ENTREP2: variants seen among roughly 807,000 people sequenced by gnomAD.
The protein encoded by ENTREP2 is endosomal transmembrane epsin interactor 2, also known as protein ENTREP2.
the ENTREP2 span, among the ~76,000 whole-genome samples, chr15:29,669,123 T>C: frequency 6.6e-6 from 1 of 152,168 alleles, no homozygotes; most frequent in East Asian, 1.9e-4. Flanking sequence ...TGAGATTTGA[T>C]TGAACCCGTG....
the ENTREP2 span, chr15:29,234,553 T>A: frequency 7.1e-7 from 1 of 1,400,896 alleles, no homozygotes; most frequent in Non-Finnish European, 1.0e-6. Flanking sequence ...TAGCAACAGA[T>A]GTGGCAGCAC....
the ENTREP2 span, among the ~76,000 whole-genome samples, chr15:29,544,010 TTC>T: frequency 6.6e-6 from 1 of 151,670 alleles, no homozygotes; most frequent in Non-Finnish European, 1.5e-5. Context: ...ATTTTATATT[TTC>T]TTTTATTTTT....
chr15:29,617,103 A>G, the ENTREP2 span, among the ~76,000 whole-genome samples: 2 of 152,216 alleles, frequency 1.3e-5, no homozygotes, highest in East Asian at 3.8e-4. Flanking sequence ...AAGATTTATT[A>G]TAGGAACTGG....
At chr15:29,416,468 C>T in the ENTREP2 span, among the ~76,000 whole-genome samples, 1 of 152,192 alleles carries the variant, frequency 6.6e-6, no homozygotes, top group Non-Finnish European at 1.5e-5. Context: ...AACTGGATCT[C>T]TTCCTTACAC....
chr15:29,185,935 A>T, the ENTREP2 span, among the ~76,000 whole-genome samples: 37 of 152,266 alleles, frequency 2.4e-4, no homozygotes, highest in South Asian at 3.9e-3. Flanking sequence ...TAGAGCCCTG[A>T]AGTTACCAAA....
At chr15:29,283,141 T>A in the ENTREP2 span, among the ~76,000 whole-genome samples, 1 of 152,070 alleles carries the variant, frequency 6.6e-6, no homozygotes, top group Non-Finnish European at 1.5e-5. Flanking sequence ...CAGAGTGGGG[T>A]CAGCTGGCCA....
At chr15:29,599,284 G>A in the ENTREP2 span, among the ~76,000 whole-genome samples, 1 of 152,228 alleles carries the variant, frequency 6.6e-6, no homozygotes, top group East Asian at 1.9e-4. Flanking sequence ...CTTGAAGGCT[G>A]TATTGACCAT....
chr15:29,616,098 G>A, the ENTREP2 span, among the ~76,000 whole-genome samples: 1 of 152,192 alleles, frequency 6.6e-6, no homozygotes, highest in Non-Finnish European at 1.5e-5. Flanking sequence ...GCTAGACAAT[G>A]TACCCTGAAC....
chr15:29,133,857 G>A, the ENTREP2 span, among the ~76,000 whole-genome samples: 1 of 152,130 alleles, frequency 6.6e-6, no homozygotes. Flanking sequence ...CACCCAGACA[G>A]GTCAACACCC....
the ENTREP2 span, among the ~76,000 whole-genome samples, chr15:29,294,792 T>C: frequency 2.0e-5 from 3 of 152,220 alleles, no homozygotes; most frequent in Admixed American, 1.3e-4. Context: ...TTATTTACAG[T>C]TACCCAGAAA....
At chr15:29,357,128 GC>G in the ENTREP2 span, among the ~76,000 whole-genome samples, 1 of 152,038 alleles carries the variant, frequency 6.6e-6, no homozygotes, top group South Asian at 2.1e-4. Flanking sequence ...AATTGGTCAC[GC>G]ATAAAAGAAG....
At chr15:29,223,792 C>A in the ENTREP2 span, among the ~76,000 whole-genome samples, 1 of 152,120 alleles carries the variant, frequency 6.6e-6, no homozygotes, top group Admixed American at 6.5e-5. Flanking sequence ...CCAGTCCCTG[C>A]AACAGGAAGG....
chr15:29,322,748 T>G, the ENTREP2 span, among the ~76,000 whole-genome samples: 1 of 152,334 alleles, frequency 6.6e-6, no homozygotes, highest in African/African-American at 2.4e-5. Context: ...AACACGTGGA[T>G]TCAGTGATGT....
At chr15:29,638,149 T>C in the ENTREP2 span, among the ~76,000 whole-genome samples, 1 of 152,200 alleles carries the variant, frequency 6.6e-6, no homozygotes, top group Non-Finnish European at 1.5e-5. Flanking sequence ...AAAAGGAATC[T>C]GGCCTTGTCA....
chr15:29,200,130 T>G, the ENTREP2 span, among the ~76,000 whole-genome samples: 1 of 152,230 alleles, frequency 6.6e-6, no homozygotes. Flanking sequence ...AATCAAAAAA[T>G]TAATTCCTCC....
the ENTREP2 span, among the ~76,000 whole-genome samples, chr15:29,264,832 CTAA>C: frequency 6.6e-6 from 1 of 152,062 alleles, no homozygotes. Context: ...AAATTAAAGA[CTAA>C]CCCCCCCTTA....
the ENTREP2 span, among the ~76,000 whole-genome samples, chr15:29,322,440 C>A: frequency 6.6e-6 from 1 of 152,136 alleles, no homozygotes; most frequent in Non-Finnish European, 1.5e-5. Context: ...CATATATTTT[C>A]TTATTCTTAA....
the ENTREP2 span, among the ~76,000 whole-genome samples, chr15:29,213,223 G>A: frequency 3.3e-5 from 5 of 152,144 alleles, no homozygotes; most frequent in Admixed American, 6.5e-5. Flanking sequence ...GTCAGGTAGC[G>A]TGATGCCTCC....
At chr15:29,201,317 T>C in the ENTREP2 span, among the ~76,000 whole-genome samples, 27 of 152,236 alleles carry the variant, frequency 1.8e-4, no homozygotes, top group African/African-American at 5.8e-4. Context: ...ATGTTCTATA[T>C]TGAAAAAAAT....
Sources: allele counts gnomAD v4.1 joint callset (sites outside exome capture counted in the v4.1 genomes callset), GRCh38; gene constraint gnomAD v4.1.1; transcripts MANE v1.5; gene names NCBI Gene and HGNC (gene_info 2026-07-23, HGNC 2026-07-21).